Variants in ZNF644 observed in about 807,000 individuals in gnomAD.
ZNF644 encodes the protein zinc finger protein 644, also known as zinc finger motif enhancer binding protein 2.
Under a neutral mutation model 108.0 loss-of-function variants are expected in ZNF644, and 20 were observed. That is an observed-to-expected ratio of 0.19 (90% CI 0.13 to 0.27). ZNF644 has a LOEUF of 0.27. Among genes scored for constraint, ZNF644 ranks in the 10% least tolerant of loss-of-function variants. The pLI is 1.00. For synonymous variants in ZNF644, 542 were observed against 539.1 expected (o/e 1.01, Z -0.08); for missense variants, 1,338 against 1,548.9 (o/e 0.86, Z 2.29).
chr1:90,926,602 G>C (rs1041991714), intron 4 of ZNF644, among the ~76,000 whole-genome samples: 1 of 152,198 alleles, frequency 6.6e-6, no homozygotes, highest in African/African-American at 2.4e-5. Context: ...TGACAGAGAA[G>C]TAATGAAGCC....
At chr1:90,951,700 A>G (rs1384674960) in intron 2 of ZNF644, among the ~76,000 whole-genome samples, 1 of 152,068 alleles carries the variant, frequency 6.6e-6, no homozygotes, top group Non-Finnish European at 1.5e-5. Flanking sequence ...CTCCCATAAC[A>G]CTTAACACCA....
chr1:91,005,577 G>A (rs1359437285), intron 1 of ZNF644, among the ~76,000 whole-genome samples: 1 of 152,074 alleles, frequency 6.6e-6, no homozygotes, highest in Non-Finnish European at 1.5e-5. Flanking sequence ...ATCATAGAGA[G>A]TACGTTCTCT....
chr1:91,000,912 T>C (rs1302389082), intron 1 of ZNF644, among the ~76,000 whole-genome samples: 3 of 152,048 alleles, frequency 2.0e-5, no homozygotes, highest in East Asian at 3.9e-4. Context: ...AACACCTCTA[T>C]GCAAACAAAC....
At chr1:91,018,581 G>A (rs1290105808) in intron 1 of ZNF644, among the ~76,000 whole-genome samples, 1 of 152,188 alleles carries the variant, frequency 6.6e-6, no homozygotes, top group African/African-American at 2.4e-5. Flanking sequence ...ATCAGGGTTA[G>A]ATAACTCAAC....
At chr1:90,984,412 C>T (rs1372349335) in intron 1 of ZNF644, among the ~76,000 whole-genome samples, 3 of 151,458 alleles carry the variant, frequency 2.0e-5, no homozygotes, top group African/African-American at 7.3e-5. Context: ...ACTTATGAGG[C>T]CTTTACCCAA....
chr1:90,954,713 T>C (rs879881337), intron 2 of ZNF644, among the ~76,000 whole-genome samples: 8 of 152,238 alleles, frequency 5.3e-5, no homozygotes, highest in South Asian at 2.1e-4. Context: ...AGTCTTCAGG[T>C]TCTACTTCTA....
intron 4 of ZNF644, among the ~76,000 whole-genome samples, chr1:90,920,217 G>T (rs1472431192): frequency 5.3e-5 from 8 of 151,994 alleles, no homozygotes; most frequent in Non-Finnish European, 2.9e-5. Context: ...TGTATCATAA[G>T]ATTACAGGTA....
chr1:90,989,939 T>A (rs891015640), intron 1 of ZNF644, among the ~76,000 whole-genome samples: 1 of 152,124 alleles, frequency 6.6e-6, no homozygotes, highest in East Asian at 1.9e-4. Context: ...TATAAACAGA[T>A]CAAGGGAATG....
At chr1:91,014,751 G>T (rs969470296) in intron 1 of ZNF644, among the ~76,000 whole-genome samples, 1 of 152,086 alleles carries the variant, frequency 6.6e-6, no homozygotes, top group Non-Finnish European at 1.5e-5. Flanking sequence ...TGAAATAAGG[G>T]GGGGGAGAAA....
At chr1:90,971,687 G>T (rs762348513) in intron 2 of ZNF644, among the ~76,000 whole-genome samples, 3 of 152,036 alleles carry the variant, frequency 2.0e-5, no homozygotes, top group Non-Finnish European at 2.9e-5. Context: ...AAAGTGCTGG[G>T]ATTACAGGTG....
At chr1:90,920,466 ATGT>A (rs201357505) in intron 4 of ZNF644, among the ~76,000 whole-genome samples, 1,904 of 152,186 alleles carry the variant, frequency 0.013, 37 homozygotes, top group African/African-American at 0.043. Flanking sequence ...TTAAATTTAC[ATGT>A]TGTTAATATT....
chr1:90,998,099 C>T (rs1437034133), intron 1 of ZNF644, among the ~76,000 whole-genome samples: 1 of 152,220 alleles, frequency 6.6e-6, no homozygotes, highest in African/African-American at 2.4e-5. Context: ...CTGCCTGCCT[C>T]TGTAGACTCC....
chr1:90,966,033 G>A (rs1323681005), intron 2 of ZNF644, among the ~76,000 whole-genome samples: 1 of 152,120 alleles, frequency 6.6e-6, no homozygotes, highest in Non-Finnish European at 1.5e-5. Flanking sequence ...TTATAGGCAT[G>A]AGCCACCGCG....
intron 4 of ZNF644, among the ~76,000 whole-genome samples, chr1:90,931,259 T>C (rs1283009890): frequency 6.6e-6 from 1 of 151,302 alleles, no homozygotes; most frequent in African/African-American, 2.4e-5. Flanking sequence ...AGCTACATTA[T>C]AAAATTTCAA....
At chr1:90,953,991 CATTCAGTGAGTTTG>C (rs1183108886) in intron 2 of ZNF644, among the ~76,000 whole-genome samples, 8 of 152,220 alleles carry the variant, frequency 5.3e-5, no homozygotes, top group Admixed American at 4.6e-4. Flanking sequence ...GTCATCTGAG[CATTCAGTGAGTTTG>C]ATTCTTTTTG....
chr1:90,999,100 C>T (rs1377659997), intron 1 of ZNF644, among the ~76,000 whole-genome samples: 1 of 152,160 alleles, frequency 6.6e-6, no homozygotes, highest in African/African-American at 2.4e-5. Context: ...AAGAATGAAA[C>T]CAAGTAGGAA....
At chr1:90,952,406 GTGAAGAAAACAGTA>G (rs1653268074) in intron 2 of ZNF644, among the ~76,000 whole-genome samples, 1 of 152,150 alleles carries the variant, frequency 6.6e-6, no homozygotes, top group African/African-American at 2.4e-5. Flanking sequence ...TAAGAGGTGT[GTGAAGAAAACAGTA>G]TGTAGACCAC....
chr1:90,990,295 T>A (rs188517031), intron 1 of ZNF644, among the ~76,000 whole-genome samples: 1 of 152,266 alleles, frequency 6.6e-6, no homozygotes, highest in East Asian at 1.9e-4. Context: ...GATGGCAAAT[T>A]TACTGTTATG....
At chr1:90,964,069 TTTC>T (rs1654597210) in intron 2 of ZNF644, among the ~76,000 whole-genome samples, 2 of 152,262 alleles carry the variant, frequency 1.3e-5, no homozygotes, top group East Asian at 3.9e-4. Context: ...ACAAAATAAC[TTTC>T]TTGTTATACT....
Sources: gnomAD v4.1 joint callset for allele counts (sites outside exome capture counted in the v4.1 genomes callset) on GRCh38, gnomAD v4.1.1 for gene constraint, MANE v1.5 for transcripts, NCBI Gene and HGNC (gene_info 2026-07-23, HGNC 2026-07-21) for gene names.